Variants in PRICKLE2 observed in about 807,000 individuals in gnomAD.
PRICKLE2 encodes prickle planar cell polarity protein 2, also known as prickle-like protein 2.
A neutral mutation model predicts 81.4 loss-of-function variants in PRICKLE2; 21 were observed. The ratio of observed to expected loss-of-function variants is 0.26; its 90% CI spans 0.18 to 0.37. The LOEUF (loss-of-function observed/expected upper bound fraction) is 0.37. PRICKLE2 is among the 10% of genes least tolerant of loss of function. The pLI is 1.00. For missense variants in PRICKLE2, 940 were observed against 1,109.0 expected (o/e 0.85, Z 2.16); for synonymous variants, 456 against 421.5 (o/e 1.08, Z -1.00).
chr3:64,257,967 CA>C (rs2079553901), intron 2 of PRICKLE2, among the ~76,000 whole-genome samples: 1 of 152,126 alleles, frequency 6.6e-6, no homozygotes, highest in South Asian at 2.1e-4. Flanking sequence ...GAAGACACAG[CA>C]ATAAGTCACC....
intron 2 of PRICKLE2, among the ~76,000 whole-genome samples, chr3:64,172,884 C>A (rs1471457227): frequency 6.6e-6 from 1 of 152,182 alleles, no homozygotes; most frequent in African/African-American, 2.4e-5. Context: ...AGGCCATCTG[C>A]AAGCCAGGAA....
At chr3:64,136,540 A>C (rs1172591110) in intron 7 of PRICKLE2, among the ~76,000 whole-genome samples, 1 of 151,476 alleles carries the variant, frequency 6.6e-6, no homozygotes, top group Admixed American at 6.6e-5. Context: ...ATGGAGAAAT[A>C]GACTCCCCAA....
chr3:64,166,049 T>A (rs959319541), intron 2 of PRICKLE2, among the ~76,000 whole-genome samples: 2 of 151,688 alleles, frequency 1.3e-5, no homozygotes, highest in African/African-American at 4.9e-5. Flanking sequence ...AACTTAGCCA[T>A]GTATATAAAA....
chr3:64,232,630 T>G (rs533127435), intron 2 of PRICKLE2, among the ~76,000 whole-genome samples: 1 of 148,676 alleles, frequency 6.7e-6, no homozygotes, highest in East Asian at 2.0e-4. Context: ...CTGGGACTCC[T>G]GTATATCTAC....
intron 2 of PRICKLE2, among the ~76,000 whole-genome samples, chr3:64,176,938 A>G (rs1195488778): frequency 1.3e-5 from 2 of 152,170 alleles, no homozygotes; most frequent in Non-Finnish European, 2.9e-5. Flanking sequence ...GTATAGCCAT[A>G]AAACCCTAAA....
At chr3:64,221,541 A>G (rs2078954653) in intron 1 of PRICKLE2, among the ~76,000 whole-genome samples, 1 of 152,060 alleles carries the variant, frequency 6.6e-6, no homozygotes, top group South Asian at 2.1e-4. Flanking sequence ...ATGTCACTCA[A>G]AAGCATCAAC....
chr3:64,235,536 T>C (rs888528498), intron 2 of PRICKLE2, among the ~76,000 whole-genome samples: 6 of 152,198 alleles, frequency 3.9e-5, no homozygotes, highest in African/African-American at 1.2e-4. Context: ...CCTGCCCCCC[T>C]TCTGGAGCTT....
At chr3:64,164,896 A>C (rs1000931555) in intron 2 of PRICKLE2, among the ~76,000 whole-genome samples, 2 of 152,212 alleles carry the variant, frequency 1.3e-5, no homozygotes, top group African/African-American at 4.8e-5. Context: ...TTCCATCCTC[A>C]GAAAAGTCCC....
At chr3:64,250,089 C>A (rs1424675936) in intron 2 of PRICKLE2, among the ~76,000 whole-genome samples, 37 of 152,180 alleles carry the variant, frequency 2.4e-4, no homozygotes, top group Admixed American at 2.4e-3. Flanking sequence ...CTGGTCTCAC[C>A]TCTCAACCAC....
intron 6 of PRICKLE2, among the ~76,000 whole-genome samples, chr3:64,149,457 C>A (rs907122627): frequency 6.6e-6 from 1 of 152,218 alleles, no homozygotes; most frequent in Non-Finnish European, 1.5e-5. Context: ...AGAATGGAAA[C>A]TGGGAGCTGC....
intron 7 of PRICKLE2, among the ~76,000 whole-genome samples, chr3:64,127,818 C>T (rs2077133643): frequency 6.6e-6 from 1 of 151,912 alleles, no homozygotes; most frequent in African/African-American, 2.4e-5. Flanking sequence ...GGAATCCTGA[C>T]TTGTCTTCTC....
In PRICKLE2 at chr3:64,184,342, C is replaced by G. The variant is rs147502510; in HGVS notation, c.144+14442G>C. Among the ~76,000 whole-genome samples, 10 of 152,336 alleles carry G rather than the reference C, an allele frequency of 6.6e-5. No individual in the cohort carries two copies. In the East Asian group the frequency reaches 1.9e-3, roughly 29 times the overall value. On this transcript the variant is annotated intron_variant, in intron 2 of 7. Transcript: ENST00000638394. ...TAAATATAGCTGGACAGTGGCAGAACTGGATCAGGTCCCAGCTGCGTCTGA... is the reference window on the plus strand; with the variant it reads ...TAAATATAGCTGGACAGTGGCAGAAGTGGATCAGGTCCCAGCTGCGTCTGA...
intron 6 of PRICKLE2, among the ~76,000 whole-genome samples, chr3:64,152,962 G>A (rs2077570634): frequency 6.6e-6 from 1 of 152,110 alleles, no homozygotes; most frequent in South Asian, 2.1e-4. Flanking sequence ...CTGAGATACA[G>A]AGAAAAAAAT....
intron 4 of PRICKLE2, among the ~76,000 whole-genome samples, chr3:64,159,621 C>A (rs1233522878): frequency 2.0e-5 from 3 of 152,230 alleles, no homozygotes; most frequent in African/African-American, 7.2e-5. Context: ...TCTTGCACAT[C>A]TGTGCACATC....
intron 2 of PRICKLE2, among the ~76,000 whole-genome samples, chr3:64,242,667 C>T (rs889052463): frequency 2.6e-5 from 4 of 152,198 alleles, no homozygotes; most frequent in African/African-American, 7.2e-5. Flanking sequence ...ACTGCTCCTC[C>T]CCCTACACTC....
chr3:64,258,865 G>GAAAGAAAGAAAGAAAT (rs2079572106), intron 2 of PRICKLE2, among the ~76,000 whole-genome samples: 3 of 141,922 alleles, frequency 2.1e-5, no homozygotes, highest in South Asian at 4.6e-4. Flanking sequence ...AAGAAAGAAA[G>GAAAGAAAGAAAGAAAT]AAAGAAAGAA....
chr3:64,238,510 A>C (rs1018530628), intron 2 of PRICKLE2, among the ~76,000 whole-genome samples: 11 of 151,854 alleles, frequency 7.2e-5, no homozygotes, highest in Non-Finnish European at 1.6e-4. Context: ...AGAAAAAAGA[A>C]AAGAAAAGAA....
At chr3:64,141,916 C>G in intron 7 of PRICKLE2, 1 of 985,000 alleles carries the variant, frequency 1.0e-6, no homozygotes, top group Non-Finnish European at 1.2e-6. Flanking sequence ...TTTCACTAAG[C>G]CTTTTGTGGC....
intron 2 of PRICKLE2, among the ~76,000 whole-genome samples, chr3:64,267,429 G>C (rs2079728043): frequency 6.6e-6 from 1 of 151,940 alleles, no homozygotes; most frequent in South Asian, 2.1e-4. Flanking sequence ...AAAATATAAA[G>C]GTATGTGGGA....
Sources: gnomAD v4.1 joint callset for allele counts (sites outside exome capture counted in the v4.1 genomes callset) on GRCh38, gnomAD v4.1.1 for gene constraint, MANE v1.5 for transcripts, NCBI Gene and HGNC (gene_info 2026-07-23, HGNC 2026-07-21) for gene names.